Variants in SDK1 observed in about 807,000 individuals in gnomAD.
The protein encoded by SDK1 is protein sidekick-1.
Under a neutral mutation model 245.5 loss-of-function variants are expected in SDK1, and 157 were observed. The observed-to-expected ratio is 0.64, with a 90% CI of 0.56 to 0.73. The LOEUF (loss-of-function observed/expected upper bound fraction) is 0.73, where lower values mean the gene tolerates loss of function less well. Ranked by LOEUF, SDK1 falls within the 30% of genes least tolerant of loss-of-function variation. The pLI is 0.00. For synonymous variants in SDK1, 1,647 were observed against 1,278.5 expected, an observed-to-expected ratio of 1.29 and a Z score of -6.15; for missense variants, 3,583 against 3,002.3, an observed-to-expected ratio of 1.19 and a Z score of -4.52.
At position 3,940,330 on chromosome 7, in the gene SDK1, G is replaced by A. The variant is rs1250277685; in HGVS notation, c.848-10593G>A. Among the ~76,000 whole-genome samples the A allele has an allele frequency of 2.0e-5, 3 of 152,254 alleles. No homozygotes were observed. The East Asian group carries it at 5.8e-4, about 29-fold the overall frequency. The stretch of plus-strand genomic sequence containing the variant: ...CTGCTTGGTGGAGGTCAGGACTTCT[G>A]CTTCTGTATAGCTCTGCATTCCTTA... On this transcript the variant is annotated intron_variant, in intron 5 of 44. Coordinates refer to ENST00000404826, the MANE Select transcript of SDK1 (RefSeq NM_152744.4).
rs542853903 is a variant in SDK1 at position 3,723,943 on chromosome 7, TAGAGAGAGAG to T, written c.713+81864_713+81873del. Among the ~76,000 whole-genome samples the T allele has an allele frequency of 8.4e-4, 75 of 89,692 alleles. 4 individuals carry two copies. The highest frequency in any genetic ancestry group is 2.8e-3 in the African/African-American group (59 of 21,208). The allele number at this position is 89,692 out of a possible 152,430, so 58.8% of individuals were successfully genotyped here. On this transcript the variant is annotated intron_variant, in intron 4 of 44. Transcript: ENST00000404826. ...ATACACGTATATATATATATATATATAGAGAGAGAGAGAGAGAGAGAGAGAGAGAGAGAGA... is the reference window on the plus strand; with the variant it reads ...ATACACGTATATATATATATATATATAGAGAGAGAGAGAGAGAGAGAGAGA...
At chr7:3,752,395 CTTTTAAT>C (rs1779798987) in intron 4 of SDK1, among the ~76,000 whole-genome samples, 1 of 152,094 alleles carries the variant, frequency 6.6e-6, no homozygotes. Flanking sequence ...GAGCTTAATA[CTTTTAAT>C]GCCATCTGAC....
chr7:3,657,729 A>G (rs1403616286), intron 4 of SDK1, among the ~76,000 whole-genome samples: 1 of 152,210 alleles, frequency 6.6e-6, no homozygotes, highest in Admixed American at 6.5e-5. Context: ...GCCTATGCAG[A>G]TGATGTGGAG....
At chr7:3,529,183 CAT>C (rs1491238211) in intron 1 of SDK1, among the ~76,000 whole-genome samples, 2 of 151,832 alleles carry the variant, frequency 1.3e-5, no homozygotes, top group Non-Finnish European at 1.5e-5. Context: ...GTTTTGGAAA[CAT>C]GTATATATAG....
chr7:3,524,182 G>A (rs1783040223), intron 1 of SDK1, among the ~76,000 whole-genome samples: 1 of 152,208 alleles, frequency 6.6e-6, no homozygotes, highest in Admixed American at 6.5e-5. Flanking sequence ...CGCATTAATT[G>A]CTTGAGGTAT....
At chr7:3,951,421 CGTT>C (rs910776241) in intron 6 of SDK1, among the ~76,000 whole-genome samples, 1 of 152,174 alleles carries the variant, frequency 6.6e-6, no homozygotes, top group Non-Finnish European at 1.5e-5. Flanking sequence ...CCTTCCATGT[CGTT>C]GTGTCCCCTC....
chr7:4,012,801 T>G (rs1346371728), intron 16 of SDK1, among the ~76,000 whole-genome samples: 1 of 151,990 alleles, frequency 6.6e-6, no homozygotes. Context: ...CTCAAACTCC[T>G]GACCTCAGGT....
chr7:3,582,764 T>G (rs920525844), intron 1 of SDK1, among the ~76,000 whole-genome samples: 1 of 150,730 alleles, frequency 6.6e-6, no homozygotes, highest in African/African-American at 2.5e-5. Flanking sequence ...ATTGTAATTT[T>G]GCAAATAAAG....
intron 4 of SDK1, among the ~76,000 whole-genome samples, chr7:3,695,570 G>A (rs1784546843): frequency 6.6e-6 from 1 of 152,158 alleles, no homozygotes; most frequent in Non-Finnish European, 1.5e-5. Context: ...TTTAATGGGT[G>A]CATAATAGTT....
intron 1 of SDK1, among the ~76,000 whole-genome samples, chr7:3,444,258 A>T (rs1278430920): frequency 6.6e-6 from 1 of 152,090 alleles, no homozygotes; most frequent in Non-Finnish European, 1.5e-5. Flanking sequence ...TACAGTATTT[A>T]TGTCTGCCTG....
At chr7:3,720,641 C>T (rs973583267) in intron 4 of SDK1, among the ~76,000 whole-genome samples, 23 of 152,164 alleles carry the variant, frequency 1.5e-4, no homozygotes, top group Non-Finnish European at 4.4e-5. Flanking sequence ...GGAATGTAAC[C>T]TGGTACAGCC....
rs553824717 is a variant in SDK1 at position 3,961,111 on chromosome 7, T to C, written c.1235-1546T>C. Reference sequence around the variant, plus strand: ...CTTGTTAAGTGTAGACTTACAAATATAGAGACAACAGATCTTCCGACATTG... The same window carrying C: ...CTTGTTAAGTGTAGACTTACAAATACAGAGACAACAGATCTTCCGACATTG... On this transcript the variant is annotated intron_variant, in intron 8 of 44. Transcript: ENST00000404826. Among the ~76,000 whole-genome samples, 17 of 152,364 alleles carry C rather than the reference T, an allele frequency of 1.1e-4. No homozygotes were observed. In the South Asian group the frequency reaches 3.1e-3, roughly 28 times the overall value.
At chr7:3,912,007 G>C (rs1583552260) in intron 5 of SDK1, among the ~76,000 whole-genome samples, 1 of 152,178 alleles carries the variant, frequency 6.6e-6, no homozygotes, top group Non-Finnish European at 1.5e-5. Flanking sequence ...TTGAGCAAGA[G>C]CTTGTAGGTG....
At chr7:3,862,092 A>G (rs1480611871) in intron 5 of SDK1, among the ~76,000 whole-genome samples, 2 of 152,240 alleles carry the variant, frequency 1.3e-5, no homozygotes, top group Non-Finnish European at 2.9e-5. Flanking sequence ...AGTTTCCTGC[A>G]GAAACATCTC....
intron 1 of SDK1, among the ~76,000 whole-genome samples, chr7:3,525,521 C>T (rs2128616150): frequency 6.6e-6 from 1 of 152,228 alleles, no homozygotes; most frequent in African/African-American, 2.4e-5. Context: ...TCTCCCAGCA[C>T]CACCAACCTG....
rs147098494 is a variant in SDK1 at position 4,239,061 on chromosome 7, C to T, written c.6130+1277C>T. On this transcript the variant is annotated intron_variant, in intron 42 of 44. Coordinates refer to ENST00000404826, the MANE Select transcript of SDK1 (RefSeq NM_152744.4). ...CTGTGTCCGTGGTCTAGCTCTGAGC[C>T]GTCTGAGGGCCAGGTCACTACTGTG... is the stretch of plus-strand genomic sequence containing the variant. Among the ~76,000 whole-genome samples the T allele has an allele frequency of 6.4e-3, 968 of 152,278 alleles. 28 individuals are homozygous for T. Among genetic ancestry groups the T allele is most frequent in the Admixed American group, 0.052 (801 of 15,292 alleles).
At chr7:3,633,106 C>T (rs1466438681) in intron 2 of SDK1, among the ~76,000 whole-genome samples, 1 of 151,864 alleles carries the variant, frequency 6.6e-6, no homozygotes, top group Non-Finnish European at 1.5e-5. Flanking sequence ...TAAGAATAGG[C>T]TTTGGTCCAA....
At chr7:4,047,891 C>A (rs921913773) in intron 17 of SDK1, among the ~76,000 whole-genome samples, 4 of 152,184 alleles carry the variant, frequency 2.6e-5, no homozygotes, top group African/African-American at 7.2e-5. Context: ...GCATCCCAGG[C>A]ACAGCAAGCC....
At chr7:3,704,176 A>G (rs1784820724) in intron 4 of SDK1, among the ~76,000 whole-genome samples, 1 of 152,272 alleles carries the variant, frequency 6.6e-6, no homozygotes, top group African/African-American at 2.4e-5. Context: ...TTCACTTGGA[A>G]TAATGGCCTT....
Sources: gnomAD v4.1 joint callset for allele counts (sites outside exome capture counted in the v4.1 genomes callset) on GRCh38, gnomAD v4.1.1 for gene constraint, MANE v1.5 for transcripts, NCBI Gene and HGNC (gene_info 2026-07-23, HGNC 2026-07-21) for gene names.